Variants in SLCO5A1 observed in about 807,000 individuals in gnomAD.
SLCO5A1 encodes solute carrier organic anion transporter family member 5A1.
Under a neutral mutation model 65.1 loss-of-function variants are expected in SLCO5A1, and 39 were observed. That is an observed-to-expected ratio of 0.60 (90% CI 0.46 to 0.78). The LOEUF is 0.78. SLCO5A1 is among the 30% of genes least tolerant of loss of function. The probability of loss-of-function intolerance (pLI) is 0.00; values close to 1 mark genes in which losing one functional copy is unlikely to be tolerated. For synonymous variants in SLCO5A1, 438 were observed against 415.7 expected (o/e 1.05, Z -0.65); for missense variants, 1,029 against 1,069.4 (o/e 0.96, Z 0.53).
At chr8:69,801,092 C>T (rs1467208939) in intron 2 of SLCO5A1, among the ~76,000 whole-genome samples, 1 of 152,142 alleles carries the variant, frequency 6.6e-6, no homozygotes, top group Non-Finnish European at 1.5e-5. Context: ...CACCAAAGAG[C>T]TCCCAACTGG....
intron 2 of SLCO5A1, among the ~76,000 whole-genome samples, chr8:69,770,848 C>G (rs1413136150): frequency 6.6e-6 from 1 of 152,194 alleles, no homozygotes; most frequent in Non-Finnish European, 1.5e-5. Flanking sequence ...TCCCCTTATT[C>G]TATGATCACT....
At position 69,668,902 on chromosome 8, in the gene SLCO5A1, T is replaced by C. The variant is rs973218542; in HGVS notation, c.*3967A>G. On this transcript the variant is annotated 3_prime_UTR_variant, in exon 10 of 10. Transcript: ENST00000260126. Reference sequence around the variant, plus strand: ...GGGATCAGTGGTTTGATATGTATTTTATGTGTGTTCACTTAAAACCCTTAT... The same window carrying C: ...GGGATCAGTGGTTTGATATGTATTTCATGTGTGTTCACTTAAAACCCTTAT... 10 of 152,186 alleles carry C rather than the reference T, an allele frequency of 6.6e-5. No individual in the cohort carries two copies. 9.4% of individuals were successfully genotyped at this position (152,186 alleles called of 1,614,324 possible). A position where few individuals can be genotyped will look rare whatever the true frequency, so the allele number is the denominator to read the frequency against.
chr8:69,784,201 T>C (rs1818916116), intron 2 of SLCO5A1, among the ~76,000 whole-genome samples: 1 of 152,160 alleles, frequency 6.6e-6, no homozygotes, highest in Non-Finnish European at 1.5e-5. Context: ...AATTCAATAA[T>C]TAGAAGATTA....
chr8:69,706,654 G>T (rs1338419461), intron 5 of SLCO5A1, among the ~76,000 whole-genome samples: 1 of 152,196 alleles, frequency 6.6e-6, no homozygotes, highest in South Asian at 2.1e-4. Flanking sequence ...TTCACCACAC[G>T]GGGCCAGGGC....
intron 2 of SLCO5A1, chr8:69,772,950 A>G: frequency 1.0e-6 from 1 of 985,380 alleles, no homozygotes; most frequent in South Asian, 4.7e-5. Context: ...AGTGGGTGCA[A>G]CAAGCACCAA....
At position 69,761,734 on chromosome 8, in the gene SLCO5A1, A is replaced by G. The variant is rs1554617724; in HGVS notation, c.1040+9T>C. The G allele has an allele frequency of 6.2e-7, 1 of 1,611,284 alleles. No homozygotes were observed. The highest frequency in any genetic ancestry group is 8.5e-7 in the Non-Finnish European group (1 of 1,179,488). ...AACTGAAATTTAAAAATTAGAAAAC[A>G]GAACTTACCAGTTTCCAATGAAACG... On this transcript the variant is annotated intron_variant, in intron 3 of 9. Coordinates refer to ENST00000260126, the MANE Select transcript of SLCO5A1 (RefSeq NM_030958.3).
In SLCO5A1 at chr8:69,755,581, A is replaced by G. The variant is rs759225974; in HGVS notation, c.1101T>C (p.Thr367=). ...GTCGAGGTGGAAGCTTTTTTGGGAA[A>G]GTAAACATTGGGAATATCACAAGAA... ...AMFLVIFPMF[T]FPKKLPPRHK... is the part of the protein sequence containing the mutation. Residue 367 remains threonine (T), a synonymous_variant, in exon 4 of 10, where the codon ACT becomes ACC. Transcript: ENST00000260126. 4 of 1,614,108 alleles carry G rather than the reference A, an allele frequency of 2.5e-6. No homozygotes were observed. In the South Asian group the frequency reaches 3.3e-5, roughly 13 times the overall value.
chr8:69,784,286 T>A (rs755963201), intron 2 of SLCO5A1, among the ~76,000 whole-genome samples: 1 of 152,168 alleles, frequency 6.6e-6, no homozygotes, highest in African/African-American at 2.4e-5. Context: ...GAAAATAATC[T>A]ATGCAAAAAT....
At position 69,671,624 on chromosome 8, in the gene SLCO5A1, T is replaced by C. The variant is rs1257747864; in HGVS notation, c.*1245A>G. 1 of 151,978 alleles carries C rather than the reference T, an allele frequency of 6.6e-6. No individual in the cohort carries two copies. Among genetic ancestry groups the C allele is most frequent in the East Asian group, 1.9e-4 (1 of 5,188 alleles). The allele number at this position is 151,978 out of a possible 1,614,324, so 9.4% of individuals were successfully genotyped here. On this transcript the variant is annotated 3_prime_UTR_variant, in exon 10 of 10. Coordinates refer to ENST00000260126, the MANE Select transcript of SLCO5A1 (RefSeq NM_030958.3). Reference sequence around the variant, plus strand: ...CAAAGTGCATTTAGGAACAGAAAAATCCTCTCTCAGAATCACTGCCAGAAA... The same window carrying C: ...CAAAGTGCATTTAGGAACAGAAAAACCCTCTCTCAGAATCACTGCCAGAAA...
At chr8:69,697,497 A>G (rs1429366506) in intron 6 of SLCO5A1, among the ~76,000 whole-genome samples, 2 of 152,158 alleles carry the variant, frequency 1.3e-5, no homozygotes, top group Non-Finnish European at 2.9e-5. Flanking sequence ...AAATGAGATA[A>G]TTTCAGATAA....
intron 6 of SLCO5A1, among the ~76,000 whole-genome samples, chr8:69,696,256 T>C (rs769416588): frequency 3.3e-5 from 5 of 151,670 alleles, no homozygotes; most frequent in African/African-American, 9.7e-5. Context: ...AAAAGCAGAG[T>C]AGGGTTAAAA....
intron 4 of SLCO5A1, among the ~76,000 whole-genome samples, chr8:69,742,990 C>A: frequency 6.6e-6 from 1 of 151,714 alleles, no homozygotes; most frequent in East Asian, 1.9e-4. Flanking sequence ...TTAGTAGAGA[C>A]GGAGTTTCAC....
intron 6 of SLCO5A1, among the ~76,000 whole-genome samples, chr8:69,699,126 T>C (rs1814617473): frequency 6.6e-6 from 1 of 152,226 alleles, no homozygotes; most frequent in Non-Finnish European, 1.5e-5. Flanking sequence ...ATATAGTCCA[T>C]CTACGACACA....
At chr8:69,826,137 G>T (rs76962867) in intron 2 of SLCO5A1, among the ~76,000 whole-genome samples, 1 of 151,806 alleles carries the variant, frequency 6.6e-6, no homozygotes. Context: ...ATTCAAGATG[G>T]ATTAAAGACT....
chr8:69,797,999 G>A (rs1328169669), intron 2 of SLCO5A1, among the ~76,000 whole-genome samples: 10 of 152,026 alleles, frequency 6.6e-5, no homozygotes, highest in Non-Finnish European at 1.0e-4. Context: ...GGGGAATCAC[G>A]GAACCTGCCG....
At chr8:69,822,895 T>C (rs577884372) in intron 2 of SLCO5A1, among the ~76,000 whole-genome samples, 7 of 152,364 alleles carry the variant, frequency 4.6e-5, no homozygotes, top group Non-Finnish European at 1.0e-4. Flanking sequence ...CTAGCCCTTC[T>C]CTGTCATGTG....
intron 2 of SLCO5A1, 94 bp downstream of exon 2, chr8:69,831,673 G>C (rs1821158154): frequency 7.5e-7 from 1 of 1,327,480 alleles, no homozygotes; most frequent in Non-Finnish European, 1.0e-6. Context: ...TAATATACAT[G>C]AAAATGTGAA....
At chr8:69,811,412 G>A (rs1399407611) in intron 2 of SLCO5A1, among the ~76,000 whole-genome samples, 1 of 152,162 alleles carries the variant, frequency 6.6e-6, no homozygotes, top group African/African-American at 2.4e-5. Context: ...TCGTAGGGGA[G>A]CTCTCAACAG....
intron 5 of SLCO5A1, among the ~76,000 whole-genome samples, chr8:69,726,562 C>T (rs1446498988): frequency 4.8e-5 from 7 of 146,050 alleles, no homozygotes; most frequent in South Asian, 4.3e-4. Context: ...TGCAGTGGTG[C>T]GATCTCGGCT....
Sources: allele counts gnomAD v4.1 joint callset (sites outside exome capture counted in the v4.1 genomes callset), GRCh38; gene constraint gnomAD v4.1.1; transcripts MANE v1.5; gene names NCBI Gene and HGNC (gene_info 2026-07-23, HGNC 2026-07-21).